TNKS: variants seen among roughly 807,000 people sequenced by gnomAD.
The protein encoded by TNKS is poly [ADP-ribose] polymerase tankyrase-1.
A neutral mutation model predicts 135.8 loss-of-function variants in TNKS; 72 were observed. That is an observed-to-expected ratio of 0.53 (90% confidence interval 0.44 to 0.64). The LOEUF (loss-of-function observed/expected upper bound fraction) is 0.64, where lower values mean the gene tolerates loss of function less well. Ranked by LOEUF, TNKS falls within the 30% of genes least tolerant of loss-of-function variation. The pLI, the probability that TNKS is intolerant of heterozygous loss-of-function variation, is 0.00. For synonymous variants in TNKS, 849 were observed against 649.3 expected, an observed-to-expected ratio of 1.31 and a Z score of -4.68; for missense variants, 1,769 against 1,674.0, an observed-to-expected ratio of 1.06 and a Z score of -0.99.
At chr8:9,729,265 A>G (rs752588640) in intron 13 of TNKS, among the ~76,000 whole-genome samples, 35 of 152,298 alleles carry the variant, frequency 2.3e-4, no homozygotes, top group Admixed American at 1.8e-3. Flanking sequence ...TTAAGTTTCA[A>G]CATGAATTCC....
chr8:9,708,551 A>G lies in TNKS; in HGVS notation c.1578+59A>G, dbSNP rs1563181793. The G allele has an allele frequency of 6.6e-6, 9 of 1,371,230 alleles. No individual in the cohort carries two copies. The East Asian group carries it at 2.4e-4, about 37-fold the overall frequency. 84.9% of individuals were successfully genotyped at this position (1,371,230 alleles called of 1,614,324 possible). On this transcript the variant is annotated intron_variant, in intron 9 of 26. Coordinates refer to ENST00000310430, the MANE Select transcript of TNKS (RefSeq NM_003747.3). ...TATAATAATAACGTAAGCACAAAAT[A>G]TGATTTTCATTTCAGAAACCTTAAA...
rs750536925 is a variant in TNKS, at chr8:9,770,129, C to T, written c.3764C>T (p.Thr1255Ile). The T allele has an allele frequency of 1.2e-6, 2 of 1,612,890 alleles. No individual in the cohort carries two copies. Among genetic ancestry groups the T allele is most frequent in the East Asian group, 2.2e-5 (1 of 44,894 alleles). Reference sequence around the variant, plus strand: ...AGACAAATGCTCTTCTGTAGAGTGACCCTTGGGAAATCCTTTCTGCAGTTT... The same window carrying T: ...AGACAAATGCTCTTCTGTAGAGTGATCCTTGGGAAATCCTTTCTGCAGTTT... ...CHRQMLFCRVTLGKSFLQFST... is the reference protein window; with the variant it reads ...CHRQMLFCRVILGKSFLQFST... Residue 1255 changes from threonine (T) to isoleucine (I), a missense_variant, in exon 26 of 27, where the codon ACC (threonine) becomes ATC (isoleucine). Around this residue, in one of 5 missense-constraint regions of TNKS, gnomAD observed 722 missense variants for 688.9 expected, o/e 1.05. Transcript: ENST00000310430.
intron 5 of TNKS, among the ~76,000 whole-genome samples, chr8:9,696,971 C>T (rs749252450): frequency 6.6e-6 from 1 of 151,960 alleles, no homozygotes; most frequent in Non-Finnish European, 1.5e-5. Context: ...CATATGGAAC[C>T]AAAGAACAGC....
chr8:9,593,267 G>A (rs1798654409), intron 2 of TNKS, among the ~76,000 whole-genome samples: 1 of 152,172 alleles, frequency 6.6e-6, no homozygotes, highest in Non-Finnish European at 1.5e-5. Context: ...TGTGTGTGAG[G>A]CAGATGATTC....
intron 14 of TNKS, among the ~76,000 whole-genome samples, chr8:9,732,010 A>G (rs1033179707): frequency 1.3e-5 from 2 of 152,084 alleles, no homozygotes; most frequent in African/African-American, 2.4e-5. Context: ...GATGGTCTCA[A>G]TCTCCTGACC....
chr8:9,752,255 TATA>T (rs1806584358), intron 19 of TNKS, among the ~76,000 whole-genome samples: 3 of 152,164 alleles, frequency 2.0e-5, no homozygotes, highest in Middle Eastern at 3.4e-3. Flanking sequence ...TTAAAATTAG[TATA>T]ATATTCTCTA....
intron 11 of TNKS, among the ~76,000 whole-genome samples, chr8:9,719,060 G>T (rs1804741222): frequency 6.6e-6 from 1 of 152,130 alleles, no homozygotes; most frequent in Non-Finnish European, 1.5e-5. Context: ...AGTTAGTTTG[G>T]TAGCTTGTGT....
At chr8:9,588,724 G>A (rs1394595485) in intron 2 of TNKS, among the ~76,000 whole-genome samples, 2 of 152,096 alleles carry the variant, frequency 1.3e-5, no homozygotes, top group African/African-American at 2.4e-5. Flanking sequence ...AGATTATAAG[G>A]TCTGTGCTTC....
chr8:9,750,623 AC>A (rs1806469911), intron 18 of TNKS, among the ~76,000 whole-genome samples: 1 of 151,920 alleles, frequency 6.6e-6, no homozygotes, highest in African/African-American at 2.4e-5. Context: ...TAACCAGGCC[AC>A]CCTTCACGCC....
At chr8:9,615,084 C>T (rs1200745138) in intron 2 of TNKS, among the ~76,000 whole-genome samples, 2 of 152,100 alleles carry the variant, frequency 1.3e-5, no homozygotes, top group Admixed American at 1.3e-4. Context: ...TCTTGGAAGC[C>T]ATCCAGTATG....
chr8:9,613,586 C>G (rs549786659), intron 2 of TNKS, among the ~76,000 whole-genome samples: 3 of 152,194 alleles, frequency 2.0e-5, no homozygotes, highest in Non-Finnish European at 4.4e-5. Flanking sequence ...CTGCTTCTTT[C>G]CTGTTGCTAC....
intron 3 of TNKS, among the ~76,000 whole-genome samples, chr8:9,653,823 C>T (rs965598157): frequency 6.6e-6 from 1 of 152,160 alleles, no homozygotes; most frequent in Non-Finnish European, 1.5e-5. Context: ...GCTCCCCTCA[C>T]TCTTGTTCCT....
chr8:9,677,050 G>C (rs1802571572), intron 3 of TNKS, among the ~76,000 whole-genome samples: 1 of 152,172 alleles, frequency 6.6e-6, no homozygotes, highest in Admixed American at 6.5e-5. Flanking sequence ...TGTTAAGTAA[G>C]TAGCTCAGAT....
chr8:9,666,264 T>A (rs937313482), intron 3 of TNKS, among the ~76,000 whole-genome samples: 2 of 152,192 alleles, frequency 1.3e-5, no homozygotes, highest in African/African-American at 4.8e-5. Flanking sequence ...AACGTGCTAT[T>A]AAAACTCATG....
chr8:9,772,307 G>C (rs1261210858), intron 26 of TNKS: 1 of 448,810 alleles, frequency 2.2e-6, no homozygotes, highest in Admixed American at 2.4e-5. Context: ...ACAATGCCTT[G>C]ACCAGATAAT....
At chr8:9,714,308 T>C (rs535774983) in intron 11 of TNKS, among the ~76,000 whole-genome samples, 2 of 147,486 alleles carry the variant, frequency 1.4e-5, no homozygotes, top group East Asian at 2.0e-4. Context: ...ATCAGTGATA[T>C]GTGAAGCAAC....
At position 9,694,723 on chromosome 8, in the gene TNKS, C is replaced by A. The variant is rs533415445; in HGVS notation, c.1108-9940C>A. ...GCTGCAGTGAGCCGAGATCACCCCA[C>A]TGCGCTCCAGCCTGGGCAACAGAGC... On this transcript the variant is annotated intron_variant, in intron 5 of 26. Coordinates refer to ENST00000310430, the MANE Select transcript of TNKS (RefSeq NM_003747.3). Among the ~76,000 whole-genome samples the A allele has an allele frequency of 2.9e-3, 436 of 150,790 alleles. 4 individuals are homozygous for A. Among genetic ancestry groups the A allele is most frequent in the Non-Finnish European group, 3.1e-3 (212 of 67,836 alleles).
At position 9,766,394 on chromosome 8, in the gene TNKS, C is replaced by A; in HGVS notation, c.3709C>A (p.His1237Asn). ...TGGAGGAGGAACAGGCTGCCCTACA[C>A]ACAAGGACAGGTCATGCTATATATG... Reference protein sequence around the residue: ...GIGGGTGCPTHKDRSCYICHR... With the variant: ...GIGGGTGCPTNKDRSCYICHR... Residue 1237 changes from histidine (H) to asparagine (N), a missense_variant, in exon 25 of 27, where the codon CAC (histidine) becomes AAC (asparagine). Physicochemically the swap from His to Asn is moderately conservative, Grantham distance 68. Coordinates refer to ENST00000310430, the MANE Select transcript of TNKS (RefSeq NM_003747.3). 6.2e-7 allele frequency: 1 copy of A among 1,612,312 alleles called. No individual in the cohort carries two copies. The highest frequency in any genetic ancestry group is 8.5e-7 in the Non-Finnish European group (1 of 1,179,066).
Position 9,766,230 on chromosome 8 carries a change from T to C in TNKS, c.3554-9T>C. On this transcript the variant is annotated splice_polypyrimidine_tract_variant and intron_variant, in intron 24 of 26. Coordinates refer to ENST00000310430, the MANE Select transcript of TNKS (RefSeq NM_003747.3). ...TCAAAAACGAATCTTTCTGTCTTCG[T>C]ATTTCTAGGTTCTCCTTTCATTAAT... is the stretch of plus-strand genomic sequence containing the variant. 1 of 1,593,142 alleles carries C rather than the reference T, an allele frequency of 6.3e-7. No individual in the cohort carries two copies. Among genetic ancestry groups the C allele is most frequent in the East Asian group, 2.2e-5 (1 of 44,532 alleles).
Sources: gnomAD v4.1 joint callset for allele counts (sites outside exome capture counted in the v4.1 genomes callset) on GRCh38, gnomAD v4.1.1 for gene constraint, gnomAD v4.1.1 regional missense constraint, MANE v1.5 for transcripts, NCBI Gene and HGNC (gene_info 2026-07-23, HGNC 2026-07-21) for gene names.